DST: variants seen among roughly 807,000 people sequenced by gnomAD.
DST encodes dystonin, also known as bullous pemphigoid antigen.
A neutral mutation model predicts 875.2 loss-of-function variants in DST; 253 were observed. That is an observed-to-expected ratio of 0.29 (90% CI 0.26 to 0.32). The LOEUF is 0.32. DST is among the 10% of genes least tolerant of loss of function. DST has a pLI of 1.00. For missense variants in DST, 8,287 were observed against 9,111.6 expected (o/e 0.91, Z 3.68); for synonymous variants, 3,124 against 3,197.1 (o/e 0.98, Z 0.77).
rs984685578 is a variant in DST at position 56,552,252 on chromosome 6, G to C, written c.16540C>G (p.His5514Asp). The stretch of plus-strand genomic sequence containing the variant: ...CCAACAGGACCTTGTGACTCTTCAT[G>C]TTCTTCGGCTTTCTGGAGCAGAATA... Reference protein sequence around the residue: ...FSILLQKAEEHEESQGPVGME... With the variant: ...FSILLQKAEEDEESQGPVGME... Residue 5514 changes from histidine to aspartate, a missense_variant, in exon 61 of 104, where the codon CAT (histidine) becomes GAT (aspartate). Coordinates refer to ENST00000680361, the MANE Select transcript of DST (RefSeq NM_001374736.1). 5 of 1,613,950 alleles carry C rather than the reference G, an allele frequency of 3.1e-6. No homozygotes were observed. The highest frequency in any genetic ancestry group is 4.2e-6 in the Non-Finnish European group (5 of 1,179,872).
rs41267675 is a variant in DST, at chr6:56,735,323, G to A, written c.626-34C>T. Reference sequence around the variant, plus strand: ...AAAAAATATATATAAAGATAAGGTTGGTAAAATCTATGAATAGATGACTTT... The same window carrying A: ...AAAAAATATATATAAAGATAAGGTTAGTAAAATCTATGAATAGATGACTTT... On this transcript the variant is annotated intron_variant, in intron 4 of 103. Coordinates refer to ENST00000680361, the MANE Select transcript of DST (RefSeq NM_001374736.1). The A allele has an allele frequency of 0.15, 191,113 of 1,280,246 alleles. 16,323 individuals carry two copies. The highest frequency in any genetic ancestry group is 0.19 in the Middle Eastern group (1,042 of 5,388). 79.3% of individuals were successfully genotyped at this position (1,280,246 alleles called of 1,614,324 possible).
Position 56,573,816 on chromosome 6 carries a change from A to G in DST, c.13099T>C (p.Leu4367=), listed in dbSNP as rs773796544. Residue 4367 remains leucine, a synonymous_variant, in exon 51 of 104, where the codon TTG becomes CTG. Transcript: ENST00000680361. ...TCCTGCACACTCAGTGAACGGGTCAAGGTTATCTGGAGTTTTTCATTTCGT... is the reference window on the plus strand; with the variant it reads ...TCCTGCACACTCAGTGAACGGGTCAGGGTTATCTGGAGTTTTTCATTTCGT... ...NERNEKLQIT[L]TRSLSVQDGL... The G allele has an allele frequency of 1.2e-6, 2 of 1,613,550 alleles. No homozygotes were observed. Among genetic ancestry groups the G allele is most frequent in the Non-Finnish European group, 1.7e-6 (2 of 1,179,682 alleles).
Position 56,651,030 on chromosome 6 carries a change from C to T in DST, c.1330G>A (p.Val444Ile). The change falls in exon 12 of 104, where the codon GTC becomes ATC. Residue 444 changes from valine (V) to isoleucine (I), a missense_variant and splice_region_variant. Transcript: ENST00000680361. ...GVIRLLDPED[V>I]DVSSPDEKSV... ...TTTTCATCAGGTGAGGAGACATCGA[C>T]ATCTAAAAACAGCAACATAAATTAA... The T allele has an allele frequency of 2.5e-6, 4 of 1,603,220 alleles. No individual in the cohort carries two copies. The highest frequency in any genetic ancestry group is 3.4e-6 in the Non-Finnish European group (4 of 1,171,102).
intron 2 of DST, among the ~76,000 whole-genome samples, chr6:56,905,762 C>A (rs1420656134): frequency 6.6e-6 from 1 of 152,064 alleles, no homozygotes; most frequent in Admixed American, 6.5e-5. Flanking sequence ...AATTCTCCTG[C>A]CTCAGCCTCC....
At chr6:56,915,303 T>C (rs1252620135) in intron 2 of DST, among the ~76,000 whole-genome samples, 3 of 152,162 alleles carry the variant, frequency 2.0e-5, no homozygotes, top group Non-Finnish European at 2.9e-5. Context: ...AAAAAGCATG[T>C]TTTATGGGGC....
intron 79 of DST, 126 bp downstream of exon 79, chr6:56,501,394 C>T (rs2096118849): frequency 8.9e-7 from 1 of 1,120,908 alleles, no homozygotes; most frequent in South Asian, 2.1e-5. Flanking sequence ...AAGTTTGACG[C>T]TCCTCATGGT....
chr6:56,517,974 C>CT (rs1294818012), intron 69 of DST, among the ~76,000 whole-genome samples: 5 of 152,118 alleles, frequency 3.3e-5, no homozygotes, highest in Non-Finnish European at 7.4e-5. Context: ...ATCTTTTAAT[C>CT]ATTTCACCCA....
At chr6:56,559,970 T>C (rs2097508752) in intron 58 of DST, among the ~76,000 whole-genome samples, 1 of 152,070 alleles carries the variant, frequency 6.6e-6, no homozygotes, top group African/African-American at 2.4e-5. Flanking sequence ...CTTAAAAATA[T>C]ATAAAGCATA....
At position 56,639,780 on chromosome 6, in the gene DST, C is replaced by T. The variant is rs1445211592; in HGVS notation, c.2620-7G>A. The stretch of plus-strand genomic sequence containing the variant: ...GAGGTGCTGTCATTTGAATCTATAA[C>T]ATGAGATTAAAAAGACACTCCAGTC... On this transcript the variant is annotated splice_polypyrimidine_tract_variant and splice_region_variant and intron_variant, in intron 19 of 103. Coordinates refer to ENST00000680361, the MANE Select transcript of DST (RefSeq NM_001374736.1). 1.2e-6 allele frequency: 2 copies of T among 1,611,754 alleles called. No individual in the cohort carries two copies. The highest frequency in any genetic ancestry group is 2.2e-5 in the South Asian group (2 of 91,028).
Position 56,484,461 on chromosome 6 carries a change from T to C in DST, c.21207+851A>G, listed in dbSNP as rs114682573. On this transcript the variant is annotated intron_variant, in intron 88 of 103. Coordinates refer to ENST00000680361, the MANE Select transcript of DST (RefSeq NM_001374736.1). ...AAGACTTTTAAAAAGAATGGTAAGATCAAAATAGCATAACCAATATAAAGA... is the reference window on the plus strand; with the variant it reads ...AAGACTTTTAAAAAGAATGGTAAGACCAAAATAGCATAACCAATATAAAGA... 1,180 of 152,102 alleles carry C rather than the reference T, an allele frequency of 7.8e-3. 17 individuals are homozygous for C. The highest frequency in any genetic ancestry group is 0.027 in the African/African-American group (1,111 of 41,494). 9.4% of individuals were successfully genotyped at this position (152,102 alleles called of 1,614,324 possible). A position where few individuals can be genotyped will look rare whatever the true frequency, so the allele number is the denominator to read the frequency against.
intron 4 of DST, among the ~76,000 whole-genome samples, chr6:56,776,266 A>T (rs1222716887): frequency 6.6e-6 from 1 of 152,224 alleles, no homozygotes; most frequent in Non-Finnish European, 1.5e-5. Flanking sequence ...ATCATCACAA[A>T]CAAGGAAAGT....
intron 49 of DST, among the ~76,000 whole-genome samples, chr6:56,591,787 A>G (rs1221116170): frequency 6.6e-6 from 1 of 152,054 alleles, no homozygotes; most frequent in Non-Finnish European, 1.5e-5. Flanking sequence ...AGCCCAGCCA[A>G]CATGGCGAAA....
intron 83 of DST, 80 bp downstream of exon 83, chr6:56,493,930 G>C: frequency 8.7e-7 from 1 of 1,147,226 alleles, no homozygotes. Flanking sequence ...ACTCCTGATA[G>C]CTCTACTCAG....
chr6:56,465,187 A>G (rs769389521), intron 99 of DST, among the ~76,000 whole-genome samples: 5 of 152,170 alleles, frequency 3.3e-5, no homozygotes, highest in Non-Finnish European at 7.3e-5. Flanking sequence ...CTGATGACTG[A>G]TATGTCTATG....
chr6:56,735,583 C>G (rs1473905832), intron 4 of DST, among the ~76,000 whole-genome samples: 2 of 152,176 alleles, frequency 1.3e-5, no homozygotes, highest in Admixed American at 1.3e-4. Context: ...ATGAAGTTGT[C>G]TAACGTAAGC....
At chr6:56,553,699 T>C (rs2097355621) in intron 60 of DST, 44 bp from the exon 61 acceptor site, 1 of 1,541,604 alleles carries the variant, frequency 6.5e-7, no homozygotes, top group South Asian at 1.2e-5. Context: ...CATCAAAATG[T>C]TAATTTAATC....
intron 5 of DST, among the ~76,000 whole-genome samples, chr6:56,713,570 T>C (rs1290443198): frequency 2.6e-5 from 4 of 152,126 alleles, no homozygotes; most frequent in Non-Finnish European, 5.9e-5. Context: ...AAGGTCCTCA[T>C]AGAGCGGGGT....
At chr6:56,848,238 C>A (rs1263505331) in intron 4 of DST, among the ~76,000 whole-genome samples, 1 of 152,174 alleles carries the variant, frequency 6.6e-6, no homozygotes, top group Admixed American at 6.5e-5. Flanking sequence ...TAAGTAGTTG[C>A]TAAATGTGGG....
chr6:56,578,725 A>G (rs2097913534), intron 50 of DST, 89 bp downstream of exon 50: 2 of 1,354,172 alleles, frequency 1.5e-6, no homozygotes, highest in East Asian at 4.8e-5. Context: ...CACAATCTAT[A>G]ACTAGTGAAC....
Sources: gnomAD v4.1 joint callset for allele counts (sites outside exome capture counted in the v4.1 genomes callset) on GRCh38, gnomAD v4.1.1 for gene constraint, MANE v1.5 for transcripts, NCBI Gene and HGNC (gene_info 2026-07-23, HGNC 2026-07-21) for gene names.